Variants in CDC42BPB observed in about 807,000 individuals in gnomAD.
CDC42BPB encodes serine/threonine-protein kinase MRCK beta.
Under a neutral mutation model 214.9 loss-of-function variants are expected in CDC42BPB, and 37 were observed. The ratio of observed to expected loss-of-function variants is 0.17; its 90% CI spans 0.13 to 0.23. CDC42BPB has a LOEUF of 0.23. Among genes scored for constraint, CDC42BPB ranks in the 10% least tolerant of loss-of-function variants. CDC42BPB has a pLI of 1.00. For missense variants in CDC42BPB, 1,694 were observed against 2,227.0 expected, an observed-to-expected ratio of 0.76 and a Z score of 4.82; for synonymous variants, 931 against 884.0, an observed-to-expected ratio of 1.05 and a Z score of -0.94.
intron 1 of CDC42BPB, among the ~76,000 whole-genome samples, chr14:103,022,665 G>A (rs565224618): frequency 6.6e-6 from 1 of 152,304 alleles, no homozygotes; most frequent in East Asian, 1.9e-4. Context: ...GCTGTTAGGG[G>A]GCAGGGTATC....
chr14:102,972,222 G>A, intron 12 of CDC42BPB, 61 bp from the exon 13 acceptor site: 2 of 1,588,176 alleles, frequency 1.3e-6, no homozygotes, highest in Non-Finnish European at 1.7e-6. Flanking sequence ...AAGGCTGGAG[G>A]TTCGGTCTTC....
rs1456328300 is a variant in CDC42BPB, at chr14:102,967,108, A to G, written c.2409T>C (p.Asp803=). ...CCACTGACTCCTTCTTGGCTGCCAGATCCTGCAGCTCATCCTCCAGCTGTC... is the reference window on the plus strand; with the variant it reads ...CCACTGACTCCTTCTTGGCTGCCAGGTCCTGCAGCTCATCCTCCAGCTGTC... ...QNRQLEDELQ[D]LAAKKESVAH... Residue 803 remains aspartate, a synonymous_variant, in exon 17 of 37, where the codon GAT becomes GAC. Transcript: ENST00000361246. The G allele has an allele frequency of 6.2e-7, 1 of 1,614,048 alleles. No individual in the cohort carries two copies. The highest frequency in any genetic ancestry group is 8.5e-7 in the Non-Finnish European group (1 of 1,180,008).
At chr14:103,046,864 G>A (rs1304737018) in intron 1 of CDC42BPB, among the ~76,000 whole-genome samples, 4 of 151,916 alleles carry the variant, frequency 2.6e-5, no homozygotes, top group Non-Finnish European at 5.9e-5. Flanking sequence ...ATGTTGGCCA[G>A]GCTGGTCTCC....
In CDC42BPB at chr14:102,933,693, C is replaced by G. The variant is rs1275824889; in HGVS notation, c.*19G>C. On this transcript the variant is annotated 3_prime_UTR_variant, in exon 37 of 37. Transcript: ENST00000361246. The stretch of plus-strand genomic sequence containing the variant: ...GAGGCCATCTCCAGCTCCCTGGCCC[C>G]TGTGGCGAGCTGGCGGCTTCAGGTG... The G allele has an allele frequency of 6.9e-7, 1 of 1,442,432 alleles. No individual in the cohort carries two copies. The highest frequency in any genetic ancestry group is 1.5e-5 in the African/African-American group (1 of 67,310). 89.4% of individuals were successfully genotyped at this position (1,442,432 alleles called of 1,614,324 possible).
chr14:103,029,009 C>T (rs1335271038), intron 1 of CDC42BPB, among the ~76,000 whole-genome samples: 1 of 152,050 alleles, frequency 6.6e-6, no homozygotes, highest in Non-Finnish European at 1.5e-5. Flanking sequence ...TTATCTGAGT[C>T]CAACTGCCAA....
intron 5 of CDC42BPB, among the ~76,000 whole-genome samples, chr14:102,987,844 C>A (rs1894319052): frequency 6.7e-6 from 1 of 150,238 alleles, no homozygotes; most frequent in South Asian, 2.1e-4. Flanking sequence ...CAGTGGCTCA[C>A]AAACTATAAT....
chr14:103,038,124 C>T (rs1042980117), intron 1 of CDC42BPB, among the ~76,000 whole-genome samples: 1 of 151,622 alleles, frequency 6.6e-6, no homozygotes, highest in African/African-American at 2.4e-5. Context: ...ATCACGAGGT[C>T]GAGAGATCAA....
chr14:103,013,576 A>G (rs1295091056), intron 1 of CDC42BPB, among the ~76,000 whole-genome samples: 2 of 152,202 alleles, frequency 1.3e-5, no homozygotes, highest in Non-Finnish European at 2.9e-5. Flanking sequence ...CACCTGCTGG[A>G]ATAGGGTAGG....
rs145375683 is a variant in CDC42BPB, at chr14:102,949,767, G to C, written c.3447C>G (p.Leu1149=). The change falls in exon 26 of 37, where the codon CTC becomes CTG. Residue 1149 remains leucine, a splice_region_variant and synonymous_variant. Transcript: ENST00000361246. The part of the protein sequence containing the change: ...PGVIASQVLD[L]RDDEFSVSSV... ...GACAGTGCTGCCCAAACGCAGACCT[G>C]AGATCCAAGACTTGGCTCGCAATGA... 29 of 1,613,300 alleles carry C rather than the reference G, an allele frequency of 1.8e-5. No individual in the cohort carries two copies. The African/African-American group carries it at 3.7e-4, about 21-fold the overall frequency.
intron 27 of CDC42BPB, 51 bp from the exon 28 acceptor site, chr14:102,946,735 C>T (rs570508333): frequency 5.9e-5 from 94 of 1,599,014 alleles, no homozygotes; most frequent in East Asian, 8.9e-5. Context: ...ACGCCAAAGC[C>T]GCACGCAGCT....
Position 102,944,565 on chromosome 14 carries a change from C to G in CDC42BPB, c.3812-78G>C. 1 of 1,542,942 alleles carries G rather than the reference C, an allele frequency of 6.5e-7. No homozygotes were observed. On this transcript the variant is annotated intron_variant, in intron 29 of 36. Coordinates refer to ENST00000361246, the MANE Select transcript of CDC42BPB (RefSeq NM_006035.4). The surrounding 1 kb of genome is among the most constrained non-coding windows in gnomAD (Gnocchi z 6.6). ...AGGGGCTGACGGCCTTGGCTAAAGACTTGCCTGGAACACTCTGGGGCCCTC... is the reference window on the plus strand; with the variant it reads ...AGGGGCTGACGGCCTTGGCTAAAGAGTTGCCTGGAACACTCTGGGGCCCTC...
rs550046354 is a variant in CDC42BPB, at chr14:103,020,410, C to A, written c.176-8222G>T. 2.0e-5 allele frequency among the ~76,000 whole-genome samples: 3 copies of A among 152,332 alleles called. No individual in the cohort carries two copies. The South Asian group carries it at 6.2e-4, about 32-fold the overall frequency. ...TCCCTTCAAGAGATGGCAGGACCCA[C>A]ACCTGCCTGGAGCAGCACCTCCACA... On this transcript the variant is annotated intron_variant, in intron 1 of 36. Coordinates refer to ENST00000361246, the MANE Select transcript of CDC42BPB (RefSeq NM_006035.4).
chr14:102,964,283 G>A (rs1287778871), intron 19 of CDC42BPB, among the ~76,000 whole-genome samples: 1 of 152,230 alleles, frequency 6.6e-6, no homozygotes, highest in East Asian at 1.9e-4. Context: ...CCCCCCCGCG[G>A]CAGGCAAGGC....
intron 1 of CDC42BPB, chr14:103,041,617 T>G: frequency 2.6e-6 from 2 of 773,020 alleles, no homozygotes; most frequent in Non-Finnish European, 4.4e-6. Flanking sequence ...GCACACCGCG[T>G]TGGGACCCAT....
intron 3 of CDC42BPB, 48 bp downstream of exon 3, chr14:103,008,424 T>C: frequency 8.1e-7 from 1 of 1,232,334 alleles, no homozygotes; most frequent in Non-Finnish European, 1.2e-6. Flanking sequence ...AGTCACTTTC[T>C]GCTCACCCCA....
rs1861725311 is a variant in CDC42BPB at position 102,959,614 on chromosome 14, A to C, written c.2901+17T>G. On this transcript the variant is annotated intron_variant, in intron 21 of 36. Coordinates refer to ENST00000361246, the MANE Select transcript of CDC42BPB (RefSeq NM_006035.4). ...TCATAAACTCATCTGTCACTTAAAAAAAAAACAATGACTTACTCTAAATGT... is the reference window on the plus strand; with the variant it reads ...TCATAAACTCATCTGTCACTTAAAACAAAAACAATGACTTACTCTAAATGT... 6.4e-7 allele frequency: 1 copy of C among 1,569,400 alleles called. No individual in the cohort carries two copies. The highest frequency in any genetic ancestry group is 1.4e-5 in the African/African-American group (1 of 73,274).
intron 5 of CDC42BPB, among the ~76,000 whole-genome samples, chr14:102,995,757 C>T (rs1213877396): frequency 6.6e-6 from 1 of 152,248 alleles, no homozygotes; most frequent in Non-Finnish European, 1.5e-5. Flanking sequence ...GGCTCCAAAC[C>T]ATGCTGTAAC....
chr14:102,952,075 C>T (rs1892514684), intron 24 of CDC42BPB, among the ~76,000 whole-genome samples: 1 of 152,164 alleles, frequency 6.6e-6, no homozygotes, highest in Non-Finnish European at 1.5e-5. Flanking sequence ...AGGCTGGGTG[C>T]AGTGGCTCAT....
chr14:102,968,451 G>C (rs748168639), intron 15 of CDC42BPB, 21 bp downstream of exon 15: 1 of 1,613,706 alleles, frequency 6.2e-7, no homozygotes, highest in Non-Finnish European at 8.5e-7. Context: ...CTTCTGAACT[G>C]AGAAGCTCAT....
Sources: allele counts gnomAD v4.1 joint callset (sites outside exome capture counted in the v4.1 genomes callset), GRCh38; gene constraint gnomAD v4.1.1; non-coding constraint Gnocchi (gnomAD v3.1); transcripts MANE v1.5; gene names NCBI Gene and HGNC (gene_info 2026-07-23, HGNC 2026-07-21).